The following CCDC91 variants were observed in gnomAD, a reference collection of about 807,000 sequenced individuals.
The protein encoded by CCDC91 is coiled-coil domain containing 91, also known as coiled-coil domain-containing protein 91.
Under a neutral mutation model 63.2 loss-of-function variants are expected in CCDC91, and 48 were observed. The ratio of observed to expected loss-of-function variants is 0.76; its 90% confidence interval spans 0.60 to 0.97. The LOEUF (loss-of-function observed/expected upper bound fraction) is 0.97, where lower values mean the gene tolerates loss of function less well. Among genes scored for constraint, CCDC91 ranks in the 50% least tolerant of loss-of-function variants. The probability of loss-of-function intolerance (pLI) is 0.00; values close to 1 mark genes in which losing one functional copy is unlikely to be tolerated. For missense variants in CCDC91, 500 were observed against 494.6 expected (o/e 1.01, Z -0.10); for synonymous variants, 167 against 165.8 (o/e 1.01, Z -0.06).
At chr12:28,259,528 T>A in intron 3 of CCDC91, 86 bp downstream of exon 3, 1 of 801,742 alleles carries the variant, frequency 1.2e-6, no homozygotes, top group Non-Finnish European at 2.1e-6. Flanking sequence ...ATTTCTCAAC[T>A]TTTTTACTTG....
In CCDC91 at chr12:28,362,998, T is replaced by TGA. The variant is rs1944004530; in HGVS notation, c.654+483_654+484insGA. On this transcript the variant is annotated intron_variant, in intron 7 of 12. Transcript: ENST00000536442. ...TAATATTTAAAATTATTTTAAAAAT[T>TGA]ATTCAATTCTGTGCCTGCATAAGCT... is the stretch of plus-strand genomic sequence containing the variant. Among the ~76,000 whole-genome samples the TGA allele has an allele frequency of 2.6e-5, 4 of 152,302 alleles. No individual in the cohort carries two copies. In the South Asian group the frequency reaches 8.3e-4, roughly 32 times the overall value.
At chr12:28,504,226 A>C (rs942965918) in intron 12 of CCDC91, among the ~76,000 whole-genome samples, 4 of 151,766 alleles carry the variant, frequency 2.6e-5, no homozygotes, top group African/African-American at 7.3e-5. Flanking sequence ...TGAATATTAA[A>C]AAAGTTTCAA....
chr12:28,388,289 G>A (rs1447042797), intron 7 of CCDC91, among the ~76,000 whole-genome samples: 1 of 152,090 alleles, frequency 6.6e-6, no homozygotes, highest in Non-Finnish European at 1.5e-5. Context: ...AAGAAAAAGG[G>A]CATCCAAATT....
At chr12:28,395,896 T>C (rs557734699) in intron 8 of CCDC91, among the ~76,000 whole-genome samples, 13 of 152,212 alleles carry the variant, frequency 8.5e-5, no homozygotes, top group Admixed American at 2.0e-4. Context: ...GTGTATTTCT[T>C]AGTGTATCAC....
rs144050278 is a variant in CCDC91, at chr12:28,373,750, T to A, written c.654+11235T>A. 1.5e-4 allele frequency among the ~76,000 whole-genome samples: 23 copies of A among 152,294 alleles called. 1 individual carries two copies. The East Asian group carries it at 4.4e-3, about 29-fold the overall frequency. ...CCCTTCCAAATCTCATCTTGAATTG[T>A]AGTTCCTATAATCCCTACATGTCGT... On this transcript the variant is annotated intron_variant, in intron 7 of 12. Coordinates refer to ENST00000536442, the MANE Select transcript of CCDC91 (RefSeq NM_018318.5).
At chr12:28,221,004 A>G (rs1018792167) in intron 1 of CCDC91, among the ~76,000 whole-genome samples, 1 of 152,122 alleles carries the variant, frequency 6.6e-6, no homozygotes, top group Non-Finnish European at 1.5e-5. Flanking sequence ...ATTTTCAGCC[A>G]TACTTTTAAA....
intron 8 of CCDC91, among the ~76,000 whole-genome samples, chr12:28,422,467 A>C (rs1034832516): frequency 7.2e-5 from 11 of 152,118 alleles, no homozygotes; most frequent in African/African-American, 2.7e-4. Flanking sequence ...ATTCTAATCC[A>C]TTCTAAGCAT....
chr12:28,395,772 A>G (rs1167010542), intron 8 of CCDC91, among the ~76,000 whole-genome samples: 1 of 152,304 alleles, frequency 6.6e-6, no homozygotes, highest in Non-Finnish European at 1.5e-5. Flanking sequence ...CCAGCATCCA[A>G]TGGCTTAATA....
chr12:28,240,307 G>A (rs758443990), intron 1 of CCDC91, among the ~76,000 whole-genome samples: 27 of 152,098 alleles, frequency 1.8e-4, no homozygotes, highest in East Asian at 5.8e-4. Flanking sequence ...ATGCTTTAAC[G>A]AATAGATTAT....
In CCDC91 at chr12:28,330,584, G is replaced by T. The variant is rs1485112322; in HGVS notation, c.576+22835G>T. Among the ~76,000 whole-genome samples, 5 of 152,124 alleles carry T rather than the reference G, an allele frequency of 3.3e-5. No individual in the cohort carries two copies. In the South Asian group the frequency reaches 6.2e-4, roughly 19 times the overall value. Reference sequence around the variant, plus strand: ...AGGTTGCCTGTTCACTCTGATGGTAGTTTCTTTTGCCGTGCAGAAGCTCTT... The same window carrying T: ...AGGTTGCCTGTTCACTCTGATGGTATTTTCTTTTGCCGTGCAGAAGCTCTT... On this transcript the variant is annotated intron_variant, in intron 6 of 12. Coordinates refer to ENST00000536442, the MANE Select transcript of CCDC91 (RefSeq NM_018318.5).
At chr12:28,228,301 C>T (rs1944395070) in intron 1 of CCDC91, among the ~76,000 whole-genome samples, 3 of 152,068 alleles carry the variant, frequency 2.0e-5, no homozygotes, top group South Asian at 4.1e-4. Context: ...GATATCCTCA[C>T]CCATGAAGAG....
At chr12:28,299,333 T>C (rs1244005797) in intron 3 of CCDC91, among the ~76,000 whole-genome samples, 15 of 151,602 alleles carry the variant, frequency 9.9e-5, no homozygotes, top group Non-Finnish European at 7.4e-5. Flanking sequence ...ATTTTTCTTA[T>C]TCTCCTCAGT....
At chr12:28,277,735 C>G (rs992575587) in intron 3 of CCDC91, among the ~76,000 whole-genome samples, 11 of 151,934 alleles carry the variant, frequency 7.2e-5, no homozygotes, top group African/African-American at 2.7e-4. Flanking sequence ...TATTATAATA[C>G]TAATTTAACT....
At chr12:28,539,401 A>G (rs10843201) in intron 12 of CCDC91, among the ~76,000 whole-genome samples, 28,762 of 152,080 alleles carry the variant, frequency 0.19, 3,564 homozygotes, top group Non-Finnish European at 0.28. Flanking sequence ...AGGTTTGTCA[A>G]AGATCAGATA....
In CCDC91 at chr12:28,549,962, A is replaced by G. The variant is rs1943222063; in HGVS notation, c.*789A>G. ...TAGGTTCAAGTACAGGATATATGAA[A>G]TCTTTTCCCAGTATTTCAGAATGTA... On this transcript the variant is annotated 3_prime_UTR_variant, in exon 13 of 13. Coordinates refer to ENST00000536442, the MANE Select transcript of CCDC91 (RefSeq NM_018318.5). 6.6e-6 allele frequency: 1 copy of G among 152,502 alleles called. No individual in the cohort carries two copies. Among genetic ancestry groups the G allele is most frequent in the Admixed American group, 6.6e-5 (1 of 15,248 alleles). 9.4% of individuals were successfully genotyped at this position (152,502 alleles called of 1,614,324 possible).
rs932519835 is a variant in CCDC91 at position 28,211,097 on chromosome 12, C to G, written c.-15+20456C>G. ...GAACAATACAGAAAGACTAAGCACA[C>G]TAGATTCACTACAGCTTAAGACCAG... On this transcript the variant is annotated intron_variant, in intron 1 of 12. Coordinates refer to ENST00000536442, the MANE Select transcript of CCDC91 (RefSeq NM_018318.5). 3.4e-5 allele frequency among the ~76,000 whole-genome samples: 5 copies of G among 148,704 alleles called. No homozygotes were observed. The East Asian group carries it at 5.9e-4, about 17-fold the overall frequency.
At chr12:28,408,396 TG>T (rs1947104121) in intron 8 of CCDC91, among the ~76,000 whole-genome samples, 1 of 152,200 alleles carries the variant, frequency 6.6e-6, no homozygotes, top group Non-Finnish European at 1.5e-5. Context: ...GATGGACATT[TG>T]GGTTTGTTCC....
intron 7 of CCDC91, among the ~76,000 whole-genome samples, chr12:28,386,823 T>C (rs11049569): frequency 0.2 from 30,800 of 152,240 alleles, 4,090 homozygotes; most frequent in Non-Finnish European, 0.3. Context: ...CTTTTATATA[T>C]AGAATATGTT....
chr12:28,415,770 T>C (rs1947619691), intron 8 of CCDC91, among the ~76,000 whole-genome samples: 1 of 152,068 alleles, frequency 6.6e-6, no homozygotes, highest in Non-Finnish European at 1.5e-5. Flanking sequence ...TGAACTTATA[T>C]AGTGGTTACA....
Sources: gnomAD v4.1 joint callset for allele counts (sites outside exome capture counted in the v4.1 genomes callset) on GRCh38, gnomAD v4.1.1 for gene constraint, MANE v1.5 for transcripts, NCBI Gene and HGNC (gene_info 2026-07-23, HGNC 2026-07-21) for gene names.